ADORA1: variants seen among roughly 807,000 people sequenced by gnomAD.
The protein encoded by ADORA1 is adenosine receptor A1.
A neutral mutation model predicts 19.9 loss-of-function variants in ADORA1; 6 were observed. That is an observed-to-expected ratio of 0.30 (90% CI 0.17 to 0.59). ADORA1 has a LOEUF of 0.59. Among genes scored for constraint, ADORA1 ranks in the 20% least tolerant of loss-of-function variants. The probability of loss-of-function intolerance (pLI) is 0.87; values close to 1 mark genes in which losing one functional copy is unlikely to be tolerated. For missense variants in ADORA1, 302 were observed against 439.2 expected, an observed-to-expected ratio of 0.69 and a Z score of 2.79; for synonymous variants, 194 against 188.4, an observed-to-expected ratio of 1.03 and a Z score of -0.24.
intron 3 of ADORA1, among the ~76,000 whole-genome samples, chr1:203,147,185 T>G (rs995505628): frequency 2.6e-5 from 4 of 152,192 alleles, no homozygotes; most frequent in Non-Finnish European, 4.4e-5. Flanking sequence ...AGCTGGGGTG[T>G]GCATTGGGTA....
Position 203,166,038 on chromosome 1 carries a change from T to G in ADORA1, c.*138T>G. 8.6e-7 allele frequency: 1 copy of G among 1,157,032 alleles called. No homozygotes were observed. Among genetic ancestry groups the G allele is most frequent in the Non-Finnish European group, 1.2e-6 (1 of 857,628 alleles). The allele number at this position is 1,157,032 out of a possible 1,614,324, so 71.7% of individuals were successfully genotyped here. On this transcript the variant is annotated 3_prime_UTR_variant, in exon 4 of 4. Transcript: ENST00000337894. ...GGGCATGGGGGAGGCTCTGAAGAGA[T>G]ACCCACAGAGTGTGGTCCCTCCACT...
At chr1:203,131,487 C>G (rs1045908682) in intron 3 of ADORA1, among the ~76,000 whole-genome samples, 9 of 152,214 alleles carry the variant, frequency 5.9e-5, no homozygotes, top group Admixed American at 6.5e-5. Flanking sequence ...GGAACACACA[C>G]AGTTGAGCCT....
intron 3 of ADORA1, among the ~76,000 whole-genome samples, chr1:203,161,574 T>C (rs1478894136): frequency 8.3e-6 from 1 of 121,202 alleles, no homozygotes; most frequent in African/African-American, 2.7e-5. Context: ...TCAGGGCTAT[T>C]TTTTTTTTTT....
At chr1:203,163,018 G>A (rs1420360345) in intron 3 of ADORA1, among the ~76,000 whole-genome samples, 1 of 152,174 alleles carries the variant, frequency 6.6e-6, no homozygotes, top group Non-Finnish European at 1.5e-5. Context: ...TGTTCCTTTG[G>A]TCTTTGCCCG....
chr1:203,145,824 G>C (rs886911091), intron 3 of ADORA1, among the ~76,000 whole-genome samples: 1 of 152,144 alleles, frequency 6.6e-6, no homozygotes, highest in Non-Finnish European at 1.5e-5. Flanking sequence ...GGGTGTGTCT[G>C]TCTGTCTCTG....
intron 3 of ADORA1, among the ~76,000 whole-genome samples, chr1:203,133,671 G>A (rs149624359): frequency 6.2e-4 from 94 of 152,282 alleles, no homozygotes; most frequent in African/African-American, 2.2e-3. Flanking sequence ...CTCAGTCCCC[G>A]CCCAGCATCT....
chr1:203,162,027 C>T (rs2102766264), intron 3 of ADORA1, among the ~76,000 whole-genome samples: 1 of 152,336 alleles, frequency 6.6e-6, no homozygotes, highest in African/African-American at 2.4e-5. Flanking sequence ...TAGCTCCCAG[C>T]ACAGCCCTCG....
At chr1:203,155,015 ATTT>A (rs1377967447) in intron 3 of ADORA1, among the ~76,000 whole-genome samples, 1 of 119,650 alleles carries the variant, frequency 8.4e-6, no homozygotes. Flanking sequence ...GGCTCTTCCT[ATTT>A]ATTATTATTA....
intron 3 of ADORA1, among the ~76,000 whole-genome samples, chr1:203,148,382 G>A (rs949587686): frequency 1.3e-5 from 2 of 152,220 alleles, no homozygotes; most frequent in African/African-American, 4.8e-5. Context: ...GTATGTGAAA[G>A]CTCAATGCTA....
rs150903956 is a variant in ADORA1, at chr1:203,149,175, G to C, written c.342-16086G>C. On this transcript the variant is annotated intron_variant, in intron 3 of 3. Transcript: ENST00000337894. ...TTACAGGCGTGAGCTACTGTACCAG[G>C]CCTGCATTTTCTTTTTCCAGCTCTG... 3.2e-4 allele frequency among the ~76,000 whole-genome samples: 49 copies of C among 152,244 alleles called. No individual in the cohort carries two copies. The East Asian group carries it at 9.3e-3, about 29-fold the overall frequency.
Position 203,166,287 on chromosome 1 carries a change from AG to A in ADORA1, c.*391del. 1 of 181,466 alleles carries A rather than the reference AG, an allele frequency of 5.5e-6. No individual in the cohort carries two copies. 11.2% of individuals were successfully genotyped at this position (181,466 alleles called of 1,614,324 possible). ...GGTGCTTGGGCTTCTGCGGTGAGGC[AG>A]GGGAGTCTGCTTGTCTTAGATGTTG... On this transcript the variant is annotated 3_prime_UTR_variant, in exon 4 of 4. Coordinates refer to ENST00000337894, the MANE Select transcript of ADORA1 (RefSeq NM_000674.3).
chr1:203,128,072 G>A lies in ADORA1; in HGVS notation c.-213+144G>A. 1 of 304,188 alleles carries A rather than the reference G, an allele frequency of 3.3e-6. No homozygotes were observed. The highest frequency in any genetic ancestry group is 6.6e-6 in the Non-Finnish European group (1 of 151,938). The allele number at this position is 304,188 out of a possible 1,614,324, so 18.8% of individuals were successfully genotyped here. Reference sequence around the variant, plus strand: ...TGGAACGGGACCAGAGGACTGCTAAGATCCAGGCACCAGACGGGTCTCAAG... The same window carrying A: ...TGGAACGGGACCAGAGGACTGCTAAAATCCAGGCACCAGACGGGTCTCAAG... On this transcript the variant is annotated intron_variant, in intron 1 of 3. Coordinates refer to ENST00000337894, the MANE Select transcript of ADORA1 (RefSeq NM_000674.3). The surrounding 1 kb of genome is among the most constrained non-coding windows in gnomAD (Gnocchi z 5.9).
At chr1:203,155,782 C>T (rs1043821026) in intron 3 of ADORA1, among the ~76,000 whole-genome samples, 33 of 152,204 alleles carry the variant, frequency 2.2e-4, no homozygotes, top group African/African-American at 7.7e-4. Flanking sequence ...GGCCTTATGT[C>T]GCAGGACCTA....
chr1:203,143,772 G>A (rs966171575), intron 3 of ADORA1, among the ~76,000 whole-genome samples: 1 of 152,148 alleles, frequency 6.6e-6, no homozygotes, highest in Non-Finnish European at 1.5e-5. Flanking sequence ...GATGTAGAAC[G>A]AAGTTCACAT....
At chr1:203,156,329 A>G (rs1157140669) in intron 3 of ADORA1, among the ~76,000 whole-genome samples, 2 of 152,206 alleles carry the variant, frequency 1.3e-5, no homozygotes, top group Non-Finnish European at 2.9e-5. Context: ...ACTATTTTTC[A>G]GGAGAGTCAG....
intron 3 of ADORA1, among the ~76,000 whole-genome samples, chr1:203,134,689 T>G (rs1295568465): frequency 6.6e-6 from 1 of 152,178 alleles, no homozygotes; most frequent in Non-Finnish European, 1.5e-5. Flanking sequence ...CAATCCATGT[T>G]GATTGTGAAA....
At chr1:203,151,300 A>G (rs772100013) in intron 3 of ADORA1, among the ~76,000 whole-genome samples, 22 of 152,116 alleles carry the variant, frequency 1.4e-4, no homozygotes, top group Admixed American at 3.3e-4. Flanking sequence ...TGTAGGGTTT[A>G]GTGCTGGGCT....
chr1:203,152,636 A>G (rs570649841), intron 3 of ADORA1: 1 of 152,042 alleles, frequency 6.6e-6, no homozygotes, highest in South Asian at 2.1e-4. Context: ...AGGTGGGGCT[A>G]ATTGGCCTTG....
intron 3 of ADORA1, among the ~76,000 whole-genome samples, chr1:203,156,524 G>A (rs1376434787): frequency 6.6e-6 from 1 of 152,146 alleles, no homozygotes; most frequent in East Asian, 1.9e-4. Context: ...GGAGAGTGAA[G>A]TGGAGTTTAA....
Sources: allele counts gnomAD v4.1 joint callset (sites outside exome capture counted in the v4.1 genomes callset), GRCh38; gene constraint gnomAD v4.1.1; non-coding constraint Gnocchi (gnomAD v3.1); transcripts MANE v1.5; gene names NCBI Gene and HGNC (gene_info 2026-07-23, HGNC 2026-07-21).